CADPS2: variants seen among roughly 807,000 people sequenced by gnomAD.
CADPS2 encodes calcium-dependent secretion activator 2.
CADPS2 carries 93 observed loss-of-function variants against 172.5 expected under a neutral mutation model. The observed-to-expected ratio is 0.54, with a 90% confidence interval of 0.46 to 0.64. The LOEUF (loss-of-function observed/expected upper bound fraction) is 0.64. CADPS2 is among the 30% of genes least tolerant of loss of function. The pLI, the probability that CADPS2 is intolerant of heterozygous loss-of-function variation, is 0.00. For missense variants in CADPS2, 1,420 were observed against 1,565.9 expected (o/e 0.91, Z 1.57); for synonymous variants, 546 against 555.2 (o/e 0.98, Z 0.23).
chr7:122,624,240 T>C (rs2075868368), intron 4 of CADPS2, among the ~76,000 whole-genome samples: 1 of 152,174 alleles, frequency 6.6e-6, no homozygotes, highest in Non-Finnish European at 1.5e-5. Flanking sequence ...GAATGAGAAA[T>C]AGGGTTATTT....
intron 25 of CADPS2, among the ~76,000 whole-genome samples, chr7:122,369,126 TTCC>T (rs1379820953): frequency 0.013 from 745 of 58,860 alleles, 17 homozygotes; most frequent in South Asian, 0.099. Context: ...GAATTTTTGT[TTCC>T]CCCCCCCCCC....
intron 11 of CADPS2, among the ~76,000 whole-genome samples, chr7:122,482,012 G>C (rs949560147): frequency 6.6e-6 from 1 of 152,150 alleles, no homozygotes; most frequent in Admixed American, 6.5e-5. Flanking sequence ...TCTCTCTCCA[G>C]AGGCAGACTC....
At chr7:122,339,691 C>T (rs561017809) in intron 28 of CADPS2, among the ~76,000 whole-genome samples, 5 of 152,170 alleles carry the variant, frequency 3.3e-5, no homozygotes, top group South Asian at 4.1e-4. Flanking sequence ...GTTTCAGACT[C>T]GTCTGGCCAA....
chr7:122,731,655 A>G (rs1295868023), intron 2 of CADPS2, among the ~76,000 whole-genome samples: 1 of 147,624 alleles, frequency 6.8e-6, no homozygotes, highest in East Asian at 2.0e-4. Context: ...GCTTAAAGAA[A>G]AAAAAAAGGT....
At chr7:122,602,316 T>C (rs2072905300) in intron 6 of CADPS2, among the ~76,000 whole-genome samples, 2 of 152,026 alleles carry the variant, frequency 1.3e-5, no homozygotes, top group Admixed American at 6.6e-5. Flanking sequence ...ATCTTCATCT[T>C]ACGACCATTG....
At chr7:122,577,054 C>T (rs1344616008) in intron 7 of CADPS2, among the ~76,000 whole-genome samples, 2 of 152,076 alleles carry the variant, frequency 1.3e-5, no homozygotes, top group African/African-American at 4.8e-5. Flanking sequence ...AGCCACCATA[C>T]CTGGCCTGAT....
intron 2 of CADPS2, chr7:122,702,078 G>C: frequency 1.2e-6 from 2 of 1,613,316 alleles, no homozygotes; most frequent in South Asian, 2.2e-5. Context: ...ATTTGACTTC[G>C]CCTCCTGGTG....
chr7:122,855,666 A>G (rs1814986082), intron 1 of CADPS2, among the ~76,000 whole-genome samples: 1 of 152,240 alleles, frequency 6.6e-6, no homozygotes, highest in African/African-American at 2.4e-5. Context: ...GCCTAGAAAC[A>G]GGAATTTTTA....
intron 2 of CADPS2, among the ~76,000 whole-genome samples, chr7:122,667,468 T>C (rs1323569723): frequency 6.6e-6 from 1 of 152,164 alleles, no homozygotes. Context: ...CCTGAAGCCA[T>C]ACTCAATCCA....
At chr7:122,684,936 C>G (rs1159265565) in intron 2 of CADPS2, among the ~76,000 whole-genome samples, 1 of 152,160 alleles carries the variant, frequency 6.6e-6, no homozygotes, top group Admixed American at 6.5e-5. Context: ...TAAAAACAAA[C>G]ATTCTGTTAA....
Position 122,886,454 on chromosome 7 carries a change from G to C in CADPS2, c.-117C>G, listed in dbSNP as rs1484718712. The C allele has an allele frequency of 7.4e-7, 1 of 1,351,432 alleles. No individual in the cohort carries two copies. The highest frequency in any genetic ancestry group is 1.6e-5 in the African/African-American group (1 of 64,420). 83.7% of individuals were successfully genotyped at this position (1,351,432 alleles called of 1,614,324 possible). ...GGCTGCAGCGGCCGCAGAACGAAAG[G>C]AAAACTGGCCAGGGCTTTCCGGACA... On this transcript the variant is annotated 5_prime_UTR_variant, in exon 1 of 30. Transcript: ENST00000449022.
chr7:122,679,367 T>A (rs1389300374), intron 2 of CADPS2, among the ~76,000 whole-genome samples: 1 of 141,234 alleles, frequency 7.1e-6, no homozygotes, highest in Non-Finnish European at 1.5e-5. Context: ...CCCCCAGGCT[T>A]GCTAGGATTA....
chr7:122,603,414 C>T (rs183304089), intron 6 of CADPS2, among the ~76,000 whole-genome samples: 2 of 144,578 alleles, frequency 1.4e-5, no homozygotes, highest in East Asian at 2.0e-4. Flanking sequence ...AAATAGGATG[C>T]TAAAAGAAGA....
intron 2 of CADPS2, among the ~76,000 whole-genome samples, chr7:122,669,354 TA>T (rs111254901): frequency 0.076 from 6,037 of 79,862 alleles, 119 homozygotes; most frequent in Middle Eastern, 0.2. Flanking sequence ...TATATATATA[TA>T]TTTTTTTTTT....
In CADPS2 at chr7:122,570,715, G is replaced by A. The variant is rs562613084; in HGVS notation, c.1335+10464C>T. ...ATACTATGCAGCCATAAAAAATGAT[G>A]AGTTCATGTCCTTTATAGGGACATG... On this transcript the variant is annotated intron_variant, in intron 7 of 29. Coordinates refer to ENST00000449022, the MANE Select transcript of CADPS2 (RefSeq NM_017954.11). Among the ~76,000 whole-genome samples the A allele has an allele frequency of 5.3e-5, 8 of 151,922 alleles. No individual in the cohort carries two copies. The East Asian group carries it at 1.4e-3, about 26-fold the overall frequency.
intron 1 of CADPS2, among the ~76,000 whole-genome samples, chr7:122,881,776 A>G (rs562470276): frequency 2.6e-5 from 4 of 152,316 alleles, no homozygotes; most frequent in Admixed American, 2.6e-4. Context: ...CTAGTTTTAC[A>G]CCAACAGGTA....
intron 16 of CADPS2, among the ~76,000 whole-genome samples, chr7:122,439,617 A>G (rs1172976954): frequency 6.6e-6 from 1 of 152,176 alleles, no homozygotes; most frequent in Non-Finnish European, 1.5e-5. Flanking sequence ...CATTTTAAAT[A>G]TTTTGTTAGG....
chr7:122,728,451 A>G (rs1007566981), intron 2 of CADPS2, among the ~76,000 whole-genome samples: 5 of 151,886 alleles, frequency 3.3e-5, no homozygotes, highest in East Asian at 1.9e-4. Flanking sequence ...TGGAGTAGAT[A>G]TTCCCAAATT....
At chr7:122,467,847 C>T (rs981261940) in intron 14 of CADPS2, among the ~76,000 whole-genome samples, 2 of 152,162 alleles carry the variant, frequency 1.3e-5, no homozygotes, top group Non-Finnish European at 2.9e-5. Flanking sequence ...CCTGTCAGTC[C>T]TCAGCGGCAC....
Sources: allele counts gnomAD v4.1 joint callset (sites outside exome capture counted in the v4.1 genomes callset), GRCh38; gene constraint gnomAD v4.1.1; transcripts MANE v1.5; gene names NCBI Gene and HGNC (gene_info 2026-07-23, HGNC 2026-07-21).